The following SSU72 variants were observed in gnomAD, a reference collection of about 807,000 sequenced individuals.
SSU72 encodes the protein SSU72 homolog, RNA polymerase II CTD phosphatase.
A neutral mutation model predicts 22.7 loss-of-function variants in SSU72; 12 were observed. The observed-to-expected ratio is 0.53, with a 90% CI of 0.34 to 0.86. SSU72 has a LOEUF of 0.86. Among genes scored for constraint, SSU72 ranks in the 40% least tolerant of loss-of-function variants. The pLI is 0.02. For synonymous variants in SSU72, 116 were observed against 98.3 expected (o/e 1.18, Z -1.06); for missense variants, 151 against 249.8 (o/e 0.60, Z 2.67).
chr1:1,570,435 C>A (rs2100723465), intron 1 of SSU72, among the ~76,000 whole-genome samples: 1 of 151,800 alleles, frequency 6.6e-6, no homozygotes, highest in African/African-American at 2.4e-5. Flanking sequence ...TGAAGGATTT[C>A]CTGCCCGTTA....
At chr1:1,569,566 C>G (rs1039482835) in intron 1 of SSU72, among the ~76,000 whole-genome samples, 2 of 152,176 alleles carry the variant, frequency 1.3e-5, no homozygotes, top group African/African-American at 4.8e-5. Flanking sequence ...TCACAGCTCA[C>G]AGTCATAGCT....
intron 2 of SSU72, chr1:1,562,593 G>A (rs2100717584): frequency 6.6e-6 from 1 of 152,466 alleles, no homozygotes; most frequent in Non-Finnish European, 1.5e-5. Flanking sequence ...GTGAAGATGG[G>A]AAGACCCAGC....
intron 1 of SSU72, among the ~76,000 whole-genome samples, chr1:1,567,132 T>G (rs1019292022): frequency 6.6e-6 from 1 of 152,138 alleles, no homozygotes; most frequent in Non-Finnish European, 1.5e-5. Context: ...AATCCATCCA[T>G]GGGGCAGGAC....
At chr1:1,572,308 G>A (rs1260814583) in intron 1 of SSU72, among the ~76,000 whole-genome samples, 7 of 140,842 alleles carry the variant, frequency 5.0e-5, no homozygotes, top group South Asian at 2.5e-4. Context: ...GGCGCCTGTA[G>A]TCCCAGCTAC....
At chr1:1,562,769 T>C (rs1046724105) in intron 2 of SSU72, 4 of 152,290 alleles carry the variant, frequency 2.6e-5, no homozygotes, top group African/African-American at 9.6e-5. Flanking sequence ...AGCAGAGCCA[T>C]GTCGAAGCCG....
intron 1 of SSU72, among the ~76,000 whole-genome samples, chr1:1,565,738 G>GGAACCGAGACCCAACACCCA (rs1311755433): frequency 2.6e-5 from 4 of 152,134 alleles, no homozygotes; most frequent in East Asian, 3.8e-4. Context: ...TTGTTCCTTG[G>GGAACCGAGACCCAACACCCA]ACTTCCTAGT....
At chr1:1,546,768 G>A (rs770939006) in intron 2 of SSU72, among the ~76,000 whole-genome samples, 3 of 149,850 alleles carry the variant, frequency 2.0e-5, no homozygotes, top group East Asian at 2.0e-4. Flanking sequence ...GCTTCAACCC[G>A]GGCGGCGGAG....
In SSU72 at chr1:1,573,145, G is replaced by A. The variant is rs1323089431; in HGVS notation, c.80+1333C>T. Among the ~76,000 whole-genome samples the A allele has an allele frequency of 5.9e-5, 9 of 151,272 alleles. No homozygotes were observed. The East Asian group carries it at 9.8e-4, about 17-fold the overall frequency. On this transcript the variant is annotated intron_variant, in intron 1 of 4. Coordinates refer to ENST00000291386, the MANE Select transcript of SSU72 (RefSeq NM_014188.3). The stretch of plus-strand genomic sequence containing the variant: ...CTCTACTAAAAATACAAAAAAAGCC[G>A]GGCGCAGTGGCTCACGCCTGTAATC...
At chr1:1,548,505 G>T (rs893368468) in intron 2 of SSU72, among the ~76,000 whole-genome samples, 3 of 147,780 alleles carry the variant, frequency 2.0e-5, no homozygotes, top group African/African-American at 7.5e-5. Context: ...ACTGAGCTGA[G>T]ATCATGCCAC....
intron 2 of SSU72, among the ~76,000 whole-genome samples, chr1:1,557,353 C>T (rs1340856471): frequency 6.6e-6 from 1 of 151,890 alleles, no homozygotes; most frequent in East Asian, 1.9e-4. Flanking sequence ...GCGGAGGTTG[C>T]AGTGAGCCGA....
At chr1:1,559,886 G>A (rs987747062) in intron 2 of SSU72, among the ~76,000 whole-genome samples, 9 of 152,158 alleles carry the variant, frequency 5.9e-5, no homozygotes, top group African/African-American at 9.6e-5. Flanking sequence ...CACGATGGCC[G>A]GCTAATTTTT....
At chr1:1,544,051 G>T in intron 3 of SSU72, 64 bp from the exon 4 acceptor site, 1 of 1,287,216 alleles carries the variant, frequency 7.8e-7, no homozygotes, top group Non-Finnish European at 1.1e-6. Flanking sequence ...CAGTCAATGT[G>T]GCTGAGTCCC....
At chr1:1,543,280 GC>G (rs1642346888) in intron 4 of SSU72, among the ~76,000 whole-genome samples, 1 of 152,206 alleles carries the variant, frequency 6.6e-6, no homozygotes, top group East Asian at 1.9e-4. Flanking sequence ...CAGCCTCCAG[GC>G]TCACGTGGGG....
intron 1 of SSU72, among the ~76,000 whole-genome samples, chr1:1,566,633 A>G (rs1428859902): frequency 6.6e-6 from 1 of 152,158 alleles, no homozygotes; most frequent in Non-Finnish European, 1.5e-5. Context: ...TGGGCAGATC[A>G]TGAGGTCAGG....
At chr1:1,548,817 G>A (rs1016273075) in intron 2 of SSU72, among the ~76,000 whole-genome samples, 8 of 152,242 alleles carry the variant, frequency 5.3e-5, no homozygotes, top group African/African-American at 2.4e-5. Context: ...ATTCCCATGG[G>A]TTGAGCACGT....
At chr1:1,548,590 G>A (rs1301509198) in intron 2 of SSU72, among the ~76,000 whole-genome samples, 2 of 151,858 alleles carry the variant, frequency 1.3e-5, no homozygotes, top group Non-Finnish European at 2.9e-5. Flanking sequence ...CCAAGGATGG[G>A]CCAAGAAAAT....
chr1:1,551,705 G>T (rs1173593451), intron 2 of SSU72, among the ~76,000 whole-genome samples: 1 of 152,188 alleles, frequency 6.6e-6, no homozygotes, highest in East Asian at 1.9e-4. Context: ...ACCTATCTCT[G>T]CCCCAAATCC....
chr1:1,571,244 C>CAAAAAAAAAAA (rs753699933), intron 1 of SSU72, among the ~76,000 whole-genome samples: 3 of 46,896 alleles, frequency 6.4e-5, no homozygotes, highest in Non-Finnish European at 9.0e-5. Context: ...GACTCCATCT[C>CAAAAAAAAAAA]AAAAAAAAAA....
intron 1 of SSU72, among the ~76,000 whole-genome samples, chr1:1,569,793 T>C (rs555059139): frequency 6.6e-6 from 1 of 152,312 alleles, no homozygotes; most frequent in African/African-American, 2.4e-5. Context: ...AAGAGCCACC[T>C]TGCCAGGCCC....
Sources: allele counts gnomAD v4.1 joint callset (sites outside exome capture counted in the v4.1 genomes callset), GRCh38; gene constraint gnomAD v4.1.1; transcripts MANE v1.5; gene names NCBI Gene and HGNC (gene_info 2026-07-23, HGNC 2026-07-21).